ANGPTL5: variants seen among roughly 807,000 people sequenced by gnomAD.
The protein encoded by ANGPTL5 is angiopoietin like 5, also known as angiopoietin-related protein 5.
Under a neutral mutation model 39.4 loss-of-function variants are expected in ANGPTL5, and 34 were observed. The ratio of observed to expected loss-of-function variants is 0.86; its 90% CI spans 0.66 to 1.15. ANGPTL5 has a LOEUF of 1.15. Ranked by LOEUF, ANGPTL5 falls within the 50% of genes most tolerant of loss-of-function variation. The pLI, the probability that ANGPTL5 is intolerant of heterozygous loss-of-function variation, is 0.00. For missense variants in ANGPTL5, 467 were observed against 457.5 expected (o/e 1.02, Z -0.19); for synonymous variants, 146 against 152.1 (o/e 0.96, Z 0.29).
At chr11:101,896,909 T>C (rs969440679) in intron 7 of ANGPTL5, among the ~76,000 whole-genome samples, 2 of 152,236 alleles carry the variant, frequency 1.3e-5, no homozygotes, top group African/African-American at 4.8e-5. Context: ...TTTCTAGTTC[T>C]AGATCCTTGA....
At chr11:101,900,581 T>C (rs1398501977) in intron 6 of ANGPTL5, 31 bp from the exon 7 acceptor site, 2 of 1,599,410 alleles carry the variant, frequency 1.3e-6, no homozygotes, top group Admixed American at 3.3e-5. Context: ...ACCAAAATAA[T>C]ACACTATTAT....
At chr11:101,906,806 A>T (rs1164746771) in intron 3 of ANGPTL5, among the ~76,000 whole-genome samples, 1 of 152,032 alleles carries the variant, frequency 6.6e-6, no homozygotes, top group Non-Finnish European at 1.5e-5. Context: ...GTCACTTTCT[A>T]TTAGCTTTTT....
At chr11:101,901,843 C>T (rs754054294) in intron 6 of ANGPTL5, among the ~76,000 whole-genome samples, 6 of 151,940 alleles carry the variant, frequency 3.9e-5, no homozygotes, top group African/African-American at 7.3e-5. Context: ...AAAAAAGTGA[C>T]TTTATTATCC....
intron 3 of ANGPTL5, 148 bp downstream of exon 3, chr11:101,906,955 T>C: frequency 1.7e-6 from 1 of 603,232 alleles, no homozygotes; most frequent in Non-Finnish European, 2.8e-6. Context: ...TAAGCACCTA[T>C]TATGGGCCAA....
At chr11:101,896,294 C>T (rs1939793458) in intron 7 of ANGPTL5, among the ~76,000 whole-genome samples, 1 of 151,656 alleles carries the variant, frequency 6.6e-6, no homozygotes. Context: ...AAGCGATTCT[C>T]ATGCCTCAGC....
chr11:101,902,565 G>A, intron 6 of ANGPTL5, 56 bp downstream of exon 6: 1 of 1,226,344 alleles, frequency 8.2e-7, no homozygotes, highest in African/African-American at 1.5e-5. Context: ...AATTAAATTG[G>A]TTGGATGTTT....
chr11:101,915,984 ACT>A (rs1591263989), intron 1 of ANGPTL5, 33 bp downstream of exon 1: 1 of 152,274 alleles, frequency 6.6e-6, no homozygotes, highest in East Asian at 1.9e-4. Context: ...ATCTGGATTA[ACT>A]CTGACTTTTC....
chr11:101,898,653 T>C (rs1180465124), intron 7 of ANGPTL5, among the ~76,000 whole-genome samples: 1 of 152,214 alleles, frequency 6.6e-6, no homozygotes, highest in African/African-American at 2.4e-5. Context: ...TCTTGCCTGA[T>C]TGCCCTGGCC....
chr11:101,910,491 G>A (rs750039495), intron 1 of ANGPTL5, among the ~76,000 whole-genome samples: 15 of 150,804 alleles, frequency 9.9e-5, no homozygotes, highest in Non-Finnish European at 1.8e-4. Context: ...ACCATAAAGT[G>A]GTTATTATTA....
intron 1 of ANGPTL5, among the ~76,000 whole-genome samples, chr11:101,913,222 G>A (rs1194576488): frequency 6.6e-6 from 1 of 152,158 alleles, no homozygotes; most frequent in Non-Finnish European, 1.5e-5. Flanking sequence ...GCTCACTTGA[G>A]TGCCTTTGTG....
chr11:101,894,563 A>G (rs1939758020), intron 8 of ANGPTL5, among the ~76,000 whole-genome samples: 1 of 152,214 alleles, frequency 6.6e-6, no homozygotes, highest in South Asian at 2.1e-4. Context: ...TGTCACTTCT[A>G]AATGTCAGCC....
chr11:101,903,055 G>T (rs1336248887), intron 5 of ANGPTL5, among the ~76,000 whole-genome samples: 1 of 151,978 alleles, frequency 6.6e-6, no homozygotes, highest in Non-Finnish European at 1.5e-5. Flanking sequence ...AGAAATTTAG[G>T]TTTATCTTAG....
chr11:101,895,835 T>G (rs1342715071), intron 7 of ANGPTL5, among the ~76,000 whole-genome samples: 3 of 152,130 alleles, frequency 2.0e-5, no homozygotes, highest in Non-Finnish European at 4.4e-5. Flanking sequence ...TGCCTCTACT[T>G]GAATCATAAA....
intron 8 of ANGPTL5, 24 bp downstream of exon 8, chr11:101,894,855 T>G (rs1939763012): frequency 8.2e-6 from 13 of 1,579,680 alleles, no homozygotes; most frequent in Non-Finnish European, 1.0e-5. Flanking sequence ...ATCTGGATAA[T>G]TTTAGGAATA....
chr11:101,904,598 G>A (rs573025651), intron 5 of ANGPTL5, among the ~76,000 whole-genome samples: 19 of 152,300 alleles, frequency 1.2e-4, no homozygotes, highest in Non-Finnish European at 2.4e-4. Context: ...TCTTTATACA[G>A]CCATGGCTTT....
At position 101,904,877 on chromosome 11, in the gene ANGPTL5, A is replaced by G. The variant is rs750974656; in HGVS notation, c.376T>C (p.Leu126=). 2.5e-6 allele frequency: 4 copies of G among 1,613,634 alleles called. No individual in the cohort carries two copies. The East Asian group carries it at 6.7e-5, about 27-fold the overall frequency. Residue 126 remains leucine, a synonymous_variant, in exon 5 of 9, where the codon TTG becomes CTG. Coordinates refer to ENST00000334289, the MANE Select transcript of ANGPTL5 (RefSeq NM_178127.5). ...TGTTTTCTAAAAACTTCTGTAGTCAAAAGGAGAACTCTATTCATGAGCTCG... is the reference window on the plus strand; with the variant it reads ...TGTTTTCTAAAAACTTCTGTAGTCAGAAGGAGAACTCTATTCATGAGCTCG... ...VNELMNRVLL[L]TTEVFRKQLD...
chr11:101,901,177 G>A (rs1297155724), intron 6 of ANGPTL5, among the ~76,000 whole-genome samples: 1 of 151,858 alleles, frequency 6.6e-6, no homozygotes, highest in Non-Finnish European at 1.5e-5. Context: ...GCGCCTGGCC[G>A]TATTTGCAGC....
Position 101,891,410 on chromosome 11 carries a change from T to C in ANGPTL5, c.1036A>G (p.Ile346Val), listed in dbSNP as rs762875539. 2 of 1,613,972 alleles carry C rather than the reference T, an allele frequency of 1.2e-6. No homozygotes were observed. The highest frequency in any genetic ancestry group is 1.7e-6 in the Non-Finnish European group (2 of 1,180,004). ...AGCAATTTTCCAGAGAAGTGATGAATGCCATTTAGATTTGCTAGACCACAC... is the reference window on the plus strand; with the variant it reads ...AGCAATTTTCCAGAGAAGTGATGAACGCCATTTAGATTTGCTAGACCACAC... ...NECGLANLNGIHHFSGKLLAT... is the reference protein window; with the variant it reads ...NECGLANLNGVHHFSGKLLAT... Residue 346 changes from isoleucine to valine, a missense_variant, in exon 9 of 9, where the codon ATT becomes GTT. Ile to Val is a conservative substitution (Grantham distance 29, BLOSUM62 3). Transcript: ENST00000334289.
Position 101,891,503 on chromosome 11 carries a change from G to A in ANGPTL5, c.943C>T (p.Leu315=). 6.2e-7 allele frequency: 1 copy of A among 1,614,024 alleles called. No homozygotes were observed. Among genetic ancestry groups the A allele is most frequent in the Non-Finnish European group, 8.5e-7 (1 of 1,179,972 alleles). ...VDNDGCRPAC[L]VNGQSVKSCS... is the part of the protein sequence containing the mutation. The stretch of plus-strand genomic sequence containing the variant: ...CTCTTCACAGACTGACCATTGACCA[G>A]GCATGCAGGGCGACACCCATCATTA... Residue 315 remains leucine (L), a synonymous_variant, in exon 9 of 9, where the codon CTG becomes TTG. Coordinates refer to ENST00000334289, the MANE Select transcript of ANGPTL5 (RefSeq NM_178127.5).
Sources: allele counts gnomAD v4.1 joint callset (sites outside exome capture counted in the v4.1 genomes callset), GRCh38; gene constraint gnomAD v4.1.1; transcripts MANE v1.5; gene names NCBI Gene and HGNC (gene_info 2026-07-23, HGNC 2026-07-21).